The following SETD2 variants were observed in gnomAD, a reference collection of about 807,000 sequenced individuals.
The protein encoded by SETD2 is histone-lysine N-methyltransferase SETD2.
In SETD2, 31 loss-of-function variants were observed where a neutral mutation model predicts 242.1. The observed-to-expected ratio is 0.13, with a 90% confidence interval of 0.10 to 0.17. The LOEUF (loss-of-function observed/expected upper bound fraction) is 0.17. Among genes scored for constraint, SETD2 ranks in the 10% least tolerant of loss-of-function variants. SETD2 has a pLI of 1.00. For missense variants in SETD2, 2,481 were observed against 3,046.3 expected, an observed-to-expected ratio of 0.81 and a Z score of 4.37; for synonymous variants, 1,006 against 1,066.5, an observed-to-expected ratio of 0.94 and a Z score of 1.11.
At chr3:47,087,272 T>C (rs1288703217) in intron 10 of SETD2, among the ~76,000 whole-genome samples, 1 of 151,102 alleles carries the variant, frequency 6.6e-6, no homozygotes, top group Non-Finnish European at 1.5e-5. Context: ...GGTCTAATAA[T>C]GCCATGGTCC....
intron 14 of SETD2, among the ~76,000 whole-genome samples, chr3:47,057,927 T>G (rs1441127995): frequency 6.6e-6 from 1 of 152,024 alleles, no homozygotes; most frequent in South Asian, 2.1e-4. Context: ...AGAGAAATAG[T>G]TGAAAAATAA....
intron 8 of SETD2, among the ~76,000 whole-genome samples, chr3:47,099,998 G>C (rs1378293757): frequency 6.7e-6 from 1 of 149,580 alleles, no homozygotes; most frequent in African/African-American, 2.5e-5. Flanking sequence ...TTTCGAGACA[G>C]AGTCTTTCTC....
At chr3:47,103,724 T>TA (rs1169442658) in intron 6 of SETD2, among the ~76,000 whole-genome samples, 1 of 143,128 alleles carries the variant, frequency 7.0e-6, no homozygotes, top group Non-Finnish European at 1.5e-5. Context: ...AAATGTAAGA[T>TA]ACATGCAATG....
chr3:47,139,952 A>G (rs2043687772), intron 1 of SETD2, among the ~76,000 whole-genome samples: 1 of 152,176 alleles, frequency 6.6e-6, no homozygotes, highest in Non-Finnish European at 1.5e-5. Context: ...CATACAAAGA[A>G]TCCTATTGAT....
At chr3:47,040,848 T>C (rs1323862124) in intron 17 of SETD2, among the ~76,000 whole-genome samples, 1 of 152,256 alleles carries the variant, frequency 6.6e-6, no homozygotes, top group African/African-American at 2.4e-5. Context: ...ATTAGGATTA[T>C]AGGCATGAGC....
At chr3:47,018,760 T>C (rs2038089745) in intron 19 of SETD2, among the ~76,000 whole-genome samples, 1 of 152,210 alleles carries the variant, frequency 6.6e-6, no homozygotes, top group East Asian at 1.9e-4. Context: ...AGTTCCTATA[T>C]GAAGAAGAAC....
chr3:47,139,560 A>G (rs1278534156), intron 1 of SETD2, among the ~76,000 whole-genome samples: 2 of 152,202 alleles, frequency 1.3e-5, no homozygotes, highest in African/African-American at 4.8e-5. Flanking sequence ...TGAATCAAAG[A>G]AACTCCTTAA....
At chr3:47,110,294 A>G (rs1304981312) in intron 5 of SETD2, among the ~76,000 whole-genome samples, 9 of 152,214 alleles carry the variant, frequency 5.9e-5, no homozygotes, top group African/African-American at 1.9e-4. Context: ...TCTGCTTAAC[A>G]GGCAGAGTTA....
At chr3:47,106,264 G>A (rs536846701) in intron 5 of SETD2, 144 bp from the exon 6 acceptor site, 6 of 699,550 alleles carry the variant, frequency 8.6e-6, no homozygotes, top group South Asian at 2.4e-5. Context: ...TCAAACACAT[G>A]TCAAGTATCT....
At chr3:47,154,281 C>T (rs529765841) in intron 1 of SETD2, among the ~76,000 whole-genome samples, 14 of 151,442 alleles carry the variant, frequency 9.2e-5, no homozygotes, top group South Asian at 8.4e-4. Flanking sequence ...TGGTGGTGCG[C>T]GCCTGTAGTC....
At chr3:47,144,354 T>C (rs1365137381) in intron 1 of SETD2, among the ~76,000 whole-genome samples, 1 of 151,254 alleles carries the variant, frequency 6.6e-6, no homozygotes, top group Non-Finnish European at 1.5e-5. Context: ...AATAAATAAG[T>C]CCAGCCGGGT....
intron 18 of SETD2, 111 bp downstream of exon 18, chr3:47,037,555 T>A: frequency 1.3e-6 from 1 of 747,668 alleles, no homozygotes; most frequent in Non-Finnish European, 2.3e-6. Flanking sequence ...GATACATGCA[T>A]AGTCACTCAC....
intron 15 of SETD2, among the ~76,000 whole-genome samples, chr3:47,056,158 C>T (rs1356125048): frequency 2.1e-5 from 3 of 140,448 alleles, no homozygotes; most frequent in African/African-American, 5.4e-5. Context: ...GGCATCTTGC[C>T]CTGTTGTCCA....
rs2107483563 is a variant in SETD2 at position 47,017,008 on chromosome 3, G to C, written c.*85C>G. On this transcript the variant is annotated 3_prime_UTR_variant, in exon 21 of 21. Coordinates refer to ENST00000409792, the MANE Select transcript of SETD2 (RefSeq NM_014159.7). This position sits in a 1 kb window ranked among gnomAD's most constrained non-coding sequence, Gnocchi z 4.8. Reference sequence around the variant, plus strand: ...TATCATCAGTAGCACAGTGCTGACAGGGGTGGGACAGAAAGGCCCACAGGA... The same window carrying C: ...TATCATCAGTAGCACAGTGCTGACACGGGTGGGACAGAAAGGCCCACAGGA... 1 of 1,311,696 alleles carries C rather than the reference G, an allele frequency of 7.6e-7. No individual in the cohort carries two copies. The highest frequency in any genetic ancestry group is 1.1e-6 in the Non-Finnish European group (1 of 917,772). The allele number at this position is 1,311,696 out of a possible 1,614,324, so 81.3% of individuals were successfully genotyped here.
intron 18 of SETD2, among the ~76,000 whole-genome samples, chr3:47,037,368 G>C (rs2039058668): frequency 7.0e-6 from 1 of 143,702 alleles, no homozygotes. Flanking sequence ...ACCTATGAGT[G>C]AGAACGTGCG....
In SETD2 at chr3:47,042,852, A is replaced by G. The variant is rs111564157; in HGVS notation, c.7099-152T>C. 214 of 710,176 alleles carry G rather than the reference A, an allele frequency of 3.0e-4. 1 individual carries two copies. In the African/African-American group the frequency reaches 3.3e-3, roughly 11 times the overall value. 44.0% of individuals were successfully genotyped at this position (710,176 alleles called of 1,614,324 possible). Reference sequence around the variant, plus strand: ...AGGTACAGTCTGGGAAATAAGGGACAGTATATATAAAGAGGTTTACAGAGC... The same window carrying G: ...AGGTACAGTCTGGGAAATAAGGGACGGTATATATAAAGAGGTTTACAGAGC... On this transcript the variant is annotated intron_variant, in intron 16 of 20. Transcript: ENST00000409792.
At chr3:47,104,467 C>T (rs1462928051) in intron 6 of SETD2, among the ~76,000 whole-genome samples, 2 of 151,840 alleles carry the variant, frequency 1.3e-5, no homozygotes, top group Admixed American at 6.6e-5. Context: ...TTGAGCCCAG[C>T]AGTTCAAGGC....
chr3:47,117,261 CAAAA>C (rs5848820), intron 3 of SETD2, among the ~76,000 whole-genome samples: 1 of 66,492 alleles, frequency 1.5e-5, no homozygotes. Context: ...CCTGCATTAC[CAAAA>C]AAAAAAAAAA....
At chr3:47,145,079 A>C (rs118034435) in intron 1 of SETD2, among the ~76,000 whole-genome samples, 1 of 152,250 alleles carries the variant, frequency 6.6e-6, no homozygotes, top group African/African-American at 2.4e-5. Context: ...TTTCATGCCT[A>C]CATCTACAGA....
Sources: gnomAD v4.1 joint callset for allele counts (sites outside exome capture counted in the v4.1 genomes callset) on GRCh38, gnomAD v4.1.1 for gene constraint, Gnocchi (gnomAD v3.1) non-coding constraint, MANE v1.5 for transcripts, NCBI Gene and HGNC (gene_info 2026-07-23, HGNC 2026-07-21) for gene names.